Variants in TIMM23B observed in about 807,000 individuals in gnomAD.
TIMM23B encodes the protein translocase of inner mitochondrial membrane 23 homolog B.
A neutral mutation model predicts 27.3 loss-of-function variants in TIMM23B; 27 were observed. That is an observed-to-expected ratio of 0.99 (90% CI 0.73 to 1.36). TIMM23B has a LOEUF of 1.36. Ranked by LOEUF, TIMM23B falls within the 40% of genes most tolerant of loss-of-function variation. The pLI is 0.00. For synonymous variants in TIMM23B, 73 were observed against 92.4 expected, an observed-to-expected ratio of 0.79 and a Z score of 1.21; for missense variants, 205 against 244.2, an observed-to-expected ratio of 0.84 and a Z score of 1.07.
At chr10:49,955,371 T>G (rs2133070755) in intron 5 of TIMM23B, among the ~76,000 whole-genome samples, 1 of 152,336 alleles carries the variant, frequency 6.6e-6, no homozygotes, top group East Asian at 1.9e-4. Flanking sequence ...AGGTCCAAAG[T>G]AAAGAGCTTT....
chr10:49,947,315 A>G (rs1230301297), intron 2 of TIMM23B, among the ~76,000 whole-genome samples: 1 of 152,204 alleles, frequency 6.6e-6, no homozygotes, highest in Non-Finnish European at 1.5e-5. Context: ...GACAATACCA[A>G]CAAGAATGGA....
chr10:49,959,307 A>G (rs1323231175), intron 6 of TIMM23B, among the ~76,000 whole-genome samples: 2 of 152,190 alleles, frequency 1.3e-5, no homozygotes, highest in East Asian at 3.8e-4. Context: ...TCAGCATATT[A>G]AACTATCACA....
In TIMM23B at chr10:49,974,622, G is replaced by A. The variant is rs16914189; in HGVS notation, c.*1558G>A. 2.0e-5 allele frequency: 3 copies of A among 150,030 alleles called. No individual in the cohort carries two copies. Among genetic ancestry groups the A allele is most frequent in the Non-Finnish European group, 4.4e-5 (3 of 67,808 alleles). 9.3% of individuals were successfully genotyped at this position (150,030 alleles called of 1,614,324 possible). ...GTGTGTACACATACAGCTGATATCT[G>A]CTGAGATTATGTATGCATGAACTAT... On this transcript the variant is annotated 3_prime_UTR_variant, in exon 7 of 7. Transcript: ENST00000651259.
chr10:49,953,919 A>T (rs1380097786), intron 4 of TIMM23B, among the ~76,000 whole-genome samples: 21 of 152,310 alleles, frequency 1.4e-4, no homozygotes, highest in South Asian at 2.1e-4. Context: ...CCCCAATATC[A>T]TATTAAATAC....
chr10:49,957,965 C>G (rs1406155658), intron 5 of TIMM23B, among the ~76,000 whole-genome samples: 1 of 152,138 alleles, frequency 6.6e-6, no homozygotes, highest in African/African-American at 2.4e-5. Flanking sequence ...AAATGGGGGT[C>G]TTACAGCCTG....
chr10:49,969,456 AAGAT>A (rs1254133927), intron 6 of TIMM23B, among the ~76,000 whole-genome samples: 1 of 151,508 alleles, frequency 6.6e-6, no homozygotes, highest in Non-Finnish European at 1.5e-5. Flanking sequence ...AAAAAAAAAA[AAGAT>A]AGATTCTAAG....
At chr10:49,970,972 G>T (rs1178457361) in intron 6 of TIMM23B, among the ~76,000 whole-genome samples, 2 of 152,150 alleles carry the variant, frequency 1.3e-5, no homozygotes, top group Non-Finnish European at 2.9e-5. Context: ...ACTCCATTTC[G>T]TTCTGTACTA....
At chr10:49,942,333 G>A in intron 1 of TIMM23B, 33 bp downstream of exon 1, 3 of 1,591,248 alleles carry the variant, frequency 1.9e-6, no homozygotes, top group Non-Finnish European at 1.7e-6. Context: ...GATTATTTCT[G>A]ACTGGTTCTT....
chr10:49,959,399 T>C (rs1306849801), intron 6 of TIMM23B, among the ~76,000 whole-genome samples: 2 of 152,228 alleles, frequency 1.3e-5, no homozygotes, highest in Non-Finnish European at 2.9e-5. Context: ...CATCTTACGC[T>C]ACTGGGAGAT....
intron 6 of TIMM23B, among the ~76,000 whole-genome samples, chr10:49,959,993 CCCT>C (rs1279231039): frequency 6.6e-5 from 10 of 151,212 alleles, no homozygotes; most frequent in Non-Finnish European, 1.5e-4. Context: ...AGGTGATCCA[CCCT>C]CCTCAGCCTC....
intron 5 of TIMM23B, among the ~76,000 whole-genome samples, chr10:49,955,283 T>C (rs1839678082): frequency 2.0e-5 from 3 of 152,192 alleles, no homozygotes; most frequent in Non-Finnish European, 4.4e-5. Context: ...TTCTGAATTT[T>C]TAAAATATTT....
At chr10:49,951,540 C>T (rs2133062414) in intron 2 of TIMM23B, among the ~76,000 whole-genome samples, 1 of 152,112 alleles carries the variant, frequency 6.6e-6, no homozygotes, top group East Asian at 1.9e-4. Context: ...TTTGGATGAC[C>T]TTCCAGGGGT....
chr10:49,956,033 A>AC (rs1436565174), intron 5 of TIMM23B, among the ~76,000 whole-genome samples: 57 of 145,250 alleles, frequency 3.9e-4, no homozygotes, highest in Admixed American at 1.3e-3. Context: ...AATAATCTCC[A>AC]CCCCCCGCCC....
chr10:49,954,936 G>C, intron 4 of TIMM23B, 66 bp from the exon 5 acceptor site: 1 of 1,603,064 alleles, frequency 6.2e-7, no homozygotes, highest in South Asian at 1.1e-5. Context: ...AGCCATTATT[G>C]TTTTTAAAGA....
At chr10:49,945,132 T>G in intron 2 of TIMM23B, 42 bp downstream of exon 2, 2 of 1,608,104 alleles carry the variant, frequency 1.2e-6, no homozygotes, top group Middle Eastern at 3.3e-4. Context: ...TATTTTACCA[T>G]TTTTAAAAAA....
chr10:49,952,479 G>T lies in TIMM23B; in HGVS notation c.290G>T (p.Arg97Leu). The T allele has an allele frequency of 2.5e-6, 4 of 1,613,130 alleles. No homozygotes were observed. Among genetic ancestry groups the T allele is most frequent in the Non-Finnish European group, 3.4e-6 (4 of 1,179,492 alleles). Residue 97 changes from arginine to leucine, a missense_variant, in exon 4 of 7, where the codon CGG becomes CTG. Transcript: ENST00000651259. ...GAAFGAMNGL[R>L]LGLKETQNMA... Reference sequence around the variant, plus strand: ...GCGTTTGGGGCAATGAATGGTCTTCGGCTAGGATTGAAGGAAACCCAGAAC... The same window carrying T: ...GCGTTTGGGGCAATGAATGGTCTTCTGCTAGGATTGAAGGAAACCCAGAAC...
In TIMM23B at chr10:49,952,576, T is replaced by G. The variant is rs1298737421; in HGVS notation, c.344+43T>G. The G allele has an allele frequency of 5.0e-6, 8 of 1,608,686 alleles. No homozygotes were observed. In the African/African-American group the frequency reaches 9.4e-5, roughly 19 times the overall value. On this transcript the variant is annotated intron_variant, in intron 4 of 6. Coordinates refer to ENST00000651259, the MANE Select transcript of TIMM23B (RefSeq NM_001290117.2). Reference sequence around the variant, plus strand: ...ATCTGATGTAGTGATACTTGAATATTAAGCTCTGTTGTATTGGTTTGATGA... The same window carrying G: ...ATCTGATGTAGTGATACTTGAATATGAAGCTCTGTTGTATTGGTTTGATGA...
chr10:49,972,235 G>A (rs2132074613), intron 6 of TIMM23B, among the ~76,000 whole-genome samples: 1 of 152,284 alleles, frequency 6.6e-6, no homozygotes, highest in Admixed American at 6.5e-5. Context: ...TGCTGTCAGG[G>A]GTTCACAGTG....
At chr10:49,962,199 T>C (rs1288456200) in intron 6 of TIMM23B, among the ~76,000 whole-genome samples, 2 of 137,580 alleles carry the variant, frequency 1.5e-5, no homozygotes, top group African/African-American at 5.5e-5. Context: ...CAATTAAGCT[T>C]TTTTTTGCTT....
Sources: allele counts gnomAD v4.1 joint callset (sites outside exome capture counted in the v4.1 genomes callset), GRCh38; gene constraint gnomAD v4.1.1; transcripts MANE v1.5; gene names NCBI Gene and HGNC (gene_info 2026-07-23, HGNC 2026-07-21).